The following NRCAM variants were observed in gnomAD, a reference collection of about 807,000 sequenced individuals.
NRCAM encodes NgCAM-related cell adhesion molecule.
Under a neutral mutation model 156.5 loss-of-function variants are expected in NRCAM, and 83 were observed. That is an observed-to-expected ratio of 0.53 (90% confidence interval 0.44 to 0.64). NRCAM has a LOEUF of 0.64. Ranked by LOEUF, NRCAM falls within the 30% of genes least tolerant of loss-of-function variation. The pLI, the probability that NRCAM is intolerant of heterozygous loss-of-function variation, is 0.00. For missense variants in NRCAM, 1,417 were observed against 1,597.3 expected (o/e 0.89, Z 1.92); for synonymous variants, 538 against 563.9 (o/e 0.95, Z 0.65).
intron 2 of NRCAM, among the ~76,000 whole-genome samples, chr7:108,323,578 A>C (rs1012397537): frequency 1.3e-5 from 2 of 152,224 alleles, no homozygotes; most frequent in African/African-American, 4.8e-5. Flanking sequence ...AAATTTGCAC[A>C]AGTTATTAAC....
chr7:108,296,998 AT>A (rs2098465617), intron 3 of NRCAM, among the ~76,000 whole-genome samples: 1 of 152,162 alleles, frequency 6.6e-6, no homozygotes. Context: ...GAGAACAAGC[AT>A]TTTTACTTAA....
intron 8 of NRCAM, among the ~76,000 whole-genome samples, chr7:108,227,613 C>T (rs2093685530): frequency 6.6e-6 from 1 of 152,154 alleles, no homozygotes; most frequent in African/African-American, 2.4e-5. Context: ...AACGATTGAT[C>T]TGTGTGTGAG....
intron 1 of NRCAM, among the ~76,000 whole-genome samples, chr7:108,426,851 T>G (rs1266224484): frequency 6.6e-6 from 1 of 152,242 alleles, no homozygotes; most frequent in African/African-American, 2.4e-5. Context: ...AGATGATACA[T>G]GCATCCTGCT....
chr7:108,275,311 T>G (rs529434039), intron 3 of NRCAM, among the ~76,000 whole-genome samples: 1 of 152,326 alleles, frequency 6.6e-6, no homozygotes, highest in South Asian at 2.1e-4. Flanking sequence ...TCAGAAGGAA[T>G]GGTACCAGCT....
Position 108,255,785 on chromosome 7 carries a change from C to A in NRCAM, c.-106-15615G>T, listed in dbSNP as rs575648078. On this transcript the variant is annotated intron_variant, in intron 3 of 32. Coordinates refer to ENST00000379028, the MANE Select transcript of NRCAM (RefSeq NM_001037132.4). The stretch of plus-strand genomic sequence containing the variant: ...GAGTGTCTCTGCCCGACCGCCACCC[C>A]GTCTGGGAGGTGAGGAGCGTCTCTG... Among the ~76,000 whole-genome samples the A allele has an allele frequency of 1.1e-4, 17 of 152,018 alleles. No individual in the cohort carries two copies. The East Asian group carries it at 2.9e-3, about 26-fold the overall frequency.
At chr7:108,330,410 C>T (rs917712165) in intron 2 of NRCAM, among the ~76,000 whole-genome samples, 2 of 152,058 alleles carry the variant, frequency 1.3e-5, no homozygotes, top group Non-Finnish European at 2.9e-5. Context: ...CTTGCCTGAC[C>T]GAGCCTAATC....
chr7:108,277,967 T>C (rs1318949699), intron 3 of NRCAM, among the ~76,000 whole-genome samples: 1 of 152,228 alleles, frequency 6.6e-6, no homozygotes, highest in African/African-American at 2.4e-5. Context: ...TGCTTCCTGT[T>C]TGTTAGTTTT....
intron 1 of NRCAM, among the ~76,000 whole-genome samples, chr7:108,418,888 T>C (rs1405801447): frequency 1.3e-5 from 2 of 152,140 alleles, no homozygotes; most frequent in Non-Finnish European, 2.9e-5. Flanking sequence ...GCCACATAAA[T>C]ATTCTGGGGA....
intron 3 of NRCAM, among the ~76,000 whole-genome samples, chr7:108,252,901 C>T (rs1057324994): frequency 6.6e-6 from 1 of 152,202 alleles, no homozygotes; most frequent in African/African-American, 2.4e-5. Context: ...CTCTACATTG[C>T]ATGCTGAACA....
chr7:108,168,359 A>C lies in NRCAM; in HGVS notation c.3231T>G (p.Ala1077=). 1 of 1,608,114 alleles carries C rather than the reference A, an allele frequency of 6.2e-7. No individual in the cohort carries two copies. The highest frequency in any genetic ancestry group is 8.5e-7 in the Non-Finnish European group (1 of 1,177,614). Residue 1077 remains alanine, a synonymous_variant, in exon 29 of 33, where the codon GCT becomes GCG. Coordinates refer to ENST00000379028, the MANE Select transcript of NRCAM (RefSeq NM_001037132.4). The part of the protein sequence containing the change: ...NPRISNLTAA[A]AETYANISWE... ...AACTGATATTGGCATAGGTCTCAGC[A>C]GCTGCAGCAGTAAGATTGCTGATCC...
In NRCAM at chr7:108,180,720, GCA is replaced by G. The variant is rs147308752; in HGVS notation, c.2647-295_2647-294del. 7.3e-3 allele frequency among the ~76,000 whole-genome samples: 1,118 copies of G among 152,286 alleles called. 13 individuals carry two copies. The highest frequency in any genetic ancestry group is 0.023 in the African/African-American group (963 of 41,562). On this transcript the variant is annotated intron_variant, in intron 24 of 32. Transcript: ENST00000379028. ...CATGTGGTTTTCTCTAGAACATGAG[GCA>G]AATGGAGGACAATAGGATTTAAGTC...
chr7:108,359,815 T>C lies in NRCAM; in HGVS notation c.-174+39621A>G, dbSNP rs77860837. ...TTACCATGTAGCTCCAATCAAGATA[T>C]AGAACATTTCTATCACTCTAGAAAA... On this transcript the variant is annotated intron_variant, in intron 2 of 32. Coordinates refer to ENST00000379028, the MANE Select transcript of NRCAM (RefSeq NM_001037132.4). Among the ~76,000 whole-genome samples the C allele has an allele frequency of 7.1e-3, 1,087 of 152,310 alleles. 15 individuals carry two copies. The highest frequency in any genetic ancestry group is 0.025 in the African/African-American group (1,050 of 41,566).
At chr7:108,244,592 T>C (rs965325508) in intron 3 of NRCAM, among the ~76,000 whole-genome samples, 1 of 151,764 alleles carries the variant, frequency 6.6e-6, no homozygotes, top group African/African-American at 2.4e-5. Flanking sequence ...CAGAGTCAAT[T>C]ACATCTACAC....
chr7:108,168,547 C>A, intron 28 of NRCAM, 145 bp from the exon 29 acceptor site: 1 of 687,598 alleles, frequency 1.5e-6, no homozygotes, highest in Non-Finnish European at 2.1e-6. Context: ...TCATGCTTTG[C>A]TTTCATTACA....
intron 2 of NRCAM, among the ~76,000 whole-genome samples, chr7:108,383,877 T>C (rs147829198): frequency 6.6e-6 from 1 of 152,322 alleles, no homozygotes; most frequent in Non-Finnish European, 1.5e-5. Context: ...CTGAACTTCC[T>C]ACTCTGAAAA....
chr7:108,166,325 G>A (rs2054193300), intron 30 of NRCAM, among the ~76,000 whole-genome samples: 3 of 147,340 alleles, frequency 2.0e-5, no homozygotes, highest in South Asian at 2.1e-4. Flanking sequence ...TTGGCTCACC[G>A]CAACCTCTGC....
At chr7:108,230,752 C>A (rs1455721069) in intron 8 of NRCAM, among the ~76,000 whole-genome samples, 2 of 151,928 alleles carry the variant, frequency 1.3e-5, no homozygotes, top group Non-Finnish European at 2.9e-5. Context: ...AACTTATTGC[C>A]AACAAACACA....
At chr7:108,436,411 GATGTGTTTATGTTCCA>G (rs1832283723) in intron 1 of NRCAM, among the ~76,000 whole-genome samples, 1 of 152,126 alleles carries the variant, frequency 6.6e-6, no homozygotes, top group Admixed American at 6.5e-5. Flanking sequence ...TTATGATAAT[GATGTGTTTATGTTCCA>G]AAGAGCTGTG....
At chr7:108,405,843 G>C (rs2099805740) in intron 1 of NRCAM, among the ~76,000 whole-genome samples, 1 of 152,160 alleles carries the variant, frequency 6.6e-6, no homozygotes, top group Non-Finnish European at 1.5e-5. Flanking sequence ...CTTAGGTCGG[G>C]TGCAGTGGCT....
Sources: allele counts gnomAD v4.1 joint callset (sites outside exome capture counted in the v4.1 genomes callset), GRCh38; gene constraint gnomAD v4.1.1; transcripts MANE v1.5; gene names NCBI Gene and HGNC (gene_info 2026-07-23, HGNC 2026-07-21).